Variants in DCC observed in about 807,000 individuals in gnomAD.
The protein encoded by DCC is netrin receptor DCC.
A neutral mutation model predicts 172.5 loss-of-function variants in DCC; 58 were observed. That is an observed-to-expected ratio of 0.34 (90% CI 0.27 to 0.42). DCC has a LOEUF of 0.42. DCC is among the 10% of genes least tolerant of loss of function. The pLI, the probability that DCC is intolerant of heterozygous loss-of-function variation, is 1.00. For missense variants in DCC, 1,740 were observed against 1,791.0 expected (o/e 0.97, Z 0.51); for synonymous variants, 709 against 644.5 (o/e 1.10, Z -1.52).
intron 1 of DCC, among the ~76,000 whole-genome samples, chr18:52,713,960 G>A (rs1356367445): frequency 6.6e-6 from 1 of 152,146 alleles, no homozygotes; most frequent in Non-Finnish European, 1.5e-5. Flanking sequence ...ATAATTGCCT[G>A]GGTTCTGTTT....
At chr18:52,937,053 G>A (rs1176926921) in intron 5 of DCC, among the ~76,000 whole-genome samples, 1 of 151,966 alleles carries the variant, frequency 6.6e-6, no homozygotes, top group Non-Finnish European at 1.5e-5. Context: ...TAGAATTGCT[G>A]GATTACCAAA....
intron 7 of DCC, among the ~76,000 whole-genome samples, chr18:53,095,518 A>G (rs901726606): frequency 6.6e-6 from 1 of 152,230 alleles, no homozygotes; most frequent in Non-Finnish European, 1.5e-5. Flanking sequence ...TCTAAAGGCT[A>G]GAAGTCTAAA....
chr18:53,072,318 T>A (rs1019087824), intron 7 of DCC, among the ~76,000 whole-genome samples: 1 of 152,070 alleles, frequency 6.6e-6, no homozygotes, highest in Non-Finnish European at 1.5e-5. Flanking sequence ...AAGGACCCTG[T>A]TTGGTAGCTG....
chr18:52,951,451 A>T (rs185570773), intron 5 of DCC, among the ~76,000 whole-genome samples: 94 of 151,964 alleles, frequency 6.2e-4, no homozygotes, highest in South Asian at 1.9e-3. Flanking sequence ...ACCCCCCGAC[A>T]GGTCCCGGTG....
Position 52,815,913 on chromosome 18 carries a change from G to T in DCC, c.412+63539G>T, listed in dbSNP as rs1660759086. Among the ~76,000 whole-genome samples, 6 of 151,920 alleles carry T rather than the reference G, an allele frequency of 3.9e-5. No homozygotes were observed. The South Asian group carries it at 1.1e-3, about 27-fold the overall frequency. Reference sequence around the variant, plus strand: ...GAATGTGTCCAAAGGCCACCAGTTTGCACATTTACAACAGAGAACAACTTT... The same window carrying T: ...GAATGTGTCCAAAGGCCACCAGTTTTCACATTTACAACAGAGAACAACTTT... On this transcript the variant is annotated intron_variant, in intron 2 of 28. Coordinates refer to ENST00000442544, the MANE Select transcript of DCC (RefSeq NM_005215.4).
At chr18:52,598,681 A>C (rs1425125311) in intron 1 of DCC, among the ~76,000 whole-genome samples, 1 of 152,228 alleles carries the variant, frequency 6.6e-6, no homozygotes, top group Non-Finnish European at 1.5e-5. Context: ...TGGTAGTCAA[A>C]TGAAAATTTG....
intron 1 of DCC, among the ~76,000 whole-genome samples, chr18:52,735,279 G>T (rs976720330): frequency 6.6e-6 from 1 of 152,060 alleles, no homozygotes; most frequent in Non-Finnish European, 1.5e-5. Flanking sequence ...AGGGCTCACT[G>T]GTTGCCAACA....
intron 27 of DCC, among the ~76,000 whole-genome samples, chr18:53,517,548 A>G (rs1484792204): frequency 6.6e-6 from 1 of 152,046 alleles, no homozygotes; most frequent in East Asian, 1.9e-4. Context: ...AGTAGTAACC[A>G]TTAGTACCTT....
chr18:53,421,085 G>A (rs754221825), intron 21 of DCC, among the ~76,000 whole-genome samples: 8 of 152,158 alleles, frequency 5.3e-5, no homozygotes, highest in Non-Finnish European at 7.3e-5. Context: ...AGTTTGCAAT[G>A]GAGGTTAGCT....
intron 1 of DCC, among the ~76,000 whole-genome samples, chr18:52,577,210 T>A: frequency 6.6e-6 from 1 of 152,230 alleles, no homozygotes; most frequent in East Asian, 1.9e-4. Flanking sequence ...TTTCTGCACA[T>A]CCTTGCAGTC....
chr18:52,887,471 T>C (rs896490623), intron 2 of DCC, among the ~76,000 whole-genome samples: 2 of 152,194 alleles, frequency 1.3e-5, no homozygotes, highest in Non-Finnish European at 2.9e-5. Context: ...TGTTCAGAGA[T>C]TGATACTATG....
chr18:52,541,642 A>G (rs1428972381), intron 1 of DCC, among the ~76,000 whole-genome samples: 2 of 152,026 alleles, frequency 1.3e-5, no homozygotes, highest in Non-Finnish European at 2.9e-5. Context: ...TGCCTTGTTC[A>G]TGGAACAGCG....
chr18:53,084,837 TTC>T (rs1270977567), intron 7 of DCC, among the ~76,000 whole-genome samples: 6 of 152,252 alleles, frequency 3.9e-5, no homozygotes, highest in Non-Finnish European at 7.3e-5. Flanking sequence ...AAAATTTGAA[TTC>T]AAGATTCTTC....
At chr18:52,528,799 T>A (rs1271485490) in intron 1 of DCC, among the ~76,000 whole-genome samples, 1 of 152,130 alleles carries the variant, frequency 6.6e-6, no homozygotes, top group Non-Finnish European at 1.5e-5. Context: ...GCATTAAGTC[T>A]ACAGATGCTC....
intron 11 of DCC, among the ~76,000 whole-genome samples, chr18:53,209,352 G>A (rs189190158): frequency 3.3e-5 from 5 of 152,268 alleles, no homozygotes; most frequent in Admixed American, 1.3e-4. Context: ...GAAATGTAGC[G>A]ATAGGCCCTT....
chr18:53,372,792 T>G (rs2058072378), intron 15 of DCC, among the ~76,000 whole-genome samples: 1 of 152,036 alleles, frequency 6.6e-6, no homozygotes, highest in African/African-American at 2.4e-5. Flanking sequence ...CTCTTGTGCC[T>G]CCTTAGGGAG....
intron 5 of DCC, among the ~76,000 whole-genome samples, chr18:53,051,782 C>A (rs1389469020): frequency 6.6e-6 from 1 of 151,976 alleles, no homozygotes; most frequent in Non-Finnish European, 1.5e-5. Flanking sequence ...TCTTATATAT[C>A]TTTACGCCTC....
chr18:52,875,885 C>T (rs1200413623), intron 2 of DCC, among the ~76,000 whole-genome samples: 2 of 152,166 alleles, frequency 1.3e-5, no homozygotes, highest in Non-Finnish European at 2.9e-5. Flanking sequence ...ATCTCTCATT[C>T]CGGTCAGTTT....
intron 9 of DCC, among the ~76,000 whole-genome samples, chr18:53,179,485 G>C (rs1474075377): frequency 6.6e-6 from 1 of 152,100 alleles, no homozygotes; most frequent in East Asian, 1.9e-4. Context: ...TAACATCAAA[G>C]GTAAAAGAAC....
Sources: allele counts gnomAD v4.1 joint callset (sites outside exome capture counted in the v4.1 genomes callset), GRCh38; gene constraint gnomAD v4.1.1; transcripts MANE v1.5; gene names NCBI Gene and HGNC (gene_info 2026-07-23, HGNC 2026-07-21).